MBD5: variants seen among roughly 807,000 people sequenced by gnomAD.
The protein encoded by MBD5 is methyl-CpG binding domain protein 5.
In MBD5, 13 loss-of-function variants were observed where a neutral mutation model predicts 117.3. The ratio of observed to expected loss-of-function variants is 0.11; its 90% CI spans 0.07 to 0.18. The LOEUF is 0.18. Ranked by LOEUF, MBD5 falls within the 10% of genes least tolerant of loss-of-function variation. MBD5 has a pLI of 1.00. For synonymous variants in MBD5, 727 were observed against 766.4 expected (o/e 0.95, Z 0.85); for missense variants, 1,879 against 2,093.8 (o/e 0.90, Z 2.00).
At chr2:148,144,337 C>G (rs1303558210) in intron 1 of MBD5, among the ~76,000 whole-genome samples, 2 of 151,834 alleles carry the variant, frequency 1.3e-5, no homozygotes. Flanking sequence ...TTTGTAGATT[C>G]TGGATATTAG....
chr2:148,080,346 T>C (rs1241781832), intron 1 of MBD5, among the ~76,000 whole-genome samples: 1 of 152,232 alleles, frequency 6.6e-6, no homozygotes, highest in Non-Finnish European at 1.5e-5. Flanking sequence ...CTCCTATAGA[T>C]AGCTAGTTTC....
At chr2:148,178,375 C>T (rs1698437927) in intron 1 of MBD5, among the ~76,000 whole-genome samples, 1 of 152,096 alleles carries the variant, frequency 6.6e-6, no homozygotes, top group Non-Finnish European at 1.5e-5. Flanking sequence ...TCTGTTCATG[C>T]AGGACACCAC....
At chr2:148,260,749 C>T (rs1700712318) in intron 3 of MBD5, 1 of 162,618 alleles carries the variant, frequency 6.1e-6, no homozygotes, top group Non-Finnish European at 1.4e-5. Context: ...AAATCCTTTC[C>T]AGAAGGTTTT....
chr2:148,048,926 C>G (rs1386331183), intron 1 of MBD5, among the ~76,000 whole-genome samples: 1 of 152,140 alleles, frequency 6.6e-6, no homozygotes, highest in Non-Finnish European at 1.5e-5. Flanking sequence ...CTAGTCCACT[C>G]TTCTTACATG....
Position 148,451,465 on chromosome 2 carries a change from A to G in MBD5, c.-556-6738A>G, listed in dbSNP as rs147513761. Among the ~76,000 whole-genome samples, 4 of 152,266 alleles carry G rather than the reference A, an allele frequency of 2.6e-5. No individual in the cohort carries two copies. In the East Asian group the frequency reaches 7.7e-4, roughly 29 times the overall value. Reference sequence around the variant, plus strand: ...AGGTTGAATGAGGGATTGACTAGGTACTGTGAAGGAGCTGTTTGAATAATT... The same window carrying G: ...AGGTTGAATGAGGGATTGACTAGGTGCTGTGAAGGAGCTGTTTGAATAATT... On this transcript the variant is annotated intron_variant, in intron 4 of 13. Transcript: ENST00000642680.
At chr2:148,347,236 A>G (rs1278019333) in intron 4 of MBD5, 1 of 152,016 alleles carries the variant, frequency 6.6e-6, no homozygotes, top group Non-Finnish European at 1.5e-5. Context: ...TTAACTGGGC[A>G]TGGTGATGTG....
intron 3 of MBD5, among the ~76,000 whole-genome samples, chr2:148,288,229 T>G (rs997538044): frequency 9.1e-6 from 1 of 110,320 alleles, no homozygotes; most frequent in Non-Finnish European, 2.0e-5. Flanking sequence ...TGAAACCCCG[T>G]CTCTACTAAA....
intron 4 of MBD5, among the ~76,000 whole-genome samples, chr2:148,345,252 G>A (rs1414906008): frequency 6.8e-6 from 1 of 147,098 alleles, no homozygotes; most frequent in African/African-American, 2.5e-5. Flanking sequence ...ACATACACAT[G>A]CGCATATATA....
intron 1 of MBD5, among the ~76,000 whole-genome samples, chr2:148,167,270 C>A (rs1698148381): frequency 6.6e-6 from 1 of 152,134 alleles, no homozygotes; most frequent in Non-Finnish European, 1.5e-5. Flanking sequence ...TAGTTCCCTT[C>A]AAATTAGCCT....
chr2:148,398,780 T>G (rs1704821113), intron 4 of MBD5, among the ~76,000 whole-genome samples: 1 of 152,222 alleles, frequency 6.6e-6, no homozygotes, highest in Non-Finnish European at 1.5e-5. Flanking sequence ...GATTTTATGG[T>G]TTTAGGTCTA....
In MBD5 at chr2:148,296,863, A is replaced by ATTT. The variant is rs1559010681; in HGVS notation, c.-679-45351_-679-45350insTTT. 6.3e-3 allele frequency among the ~76,000 whole-genome samples: 237 copies of ATTT among 37,586 alleles called. 5 individuals carry two copies. Among genetic ancestry groups the ATTT allele is most frequent in the Non-Finnish European group, 8.6e-3 (162 of 18,888 alleles). The allele number at this position is 37,586 out of a possible 152,430, so 24.7% of individuals were successfully genotyped here. On this transcript the variant is annotated intron_variant, in intron 3 of 13. Transcript: ENST00000642680. The stretch of plus-strand genomic sequence containing the variant: ...TAAGCATAGTTTGCTTTAGTTCTTC[A>ATTT]ATTTTTTTTTTTTTTTTTTTTGGAG...
intron 1 of MBD5, among the ~76,000 whole-genome samples, chr2:148,162,125 G>C (rs751627514): frequency 6.6e-6 from 1 of 152,170 alleles, no homozygotes; most frequent in Non-Finnish European, 1.5e-5. Flanking sequence ...GTGATTGGCA[G>C]GTTTCAGCAT....
intron 3 of MBD5, among the ~76,000 whole-genome samples, chr2:148,281,658 G>T (rs1701249225): frequency 6.6e-6 from 1 of 151,958 alleles, no homozygotes; most frequent in Non-Finnish European, 1.5e-5. Context: ...TCATTTTGCA[G>T]GTTCATCCTG....
chr2:148,165,092 C>T (rs1247590011), intron 1 of MBD5, among the ~76,000 whole-genome samples: 3 of 152,116 alleles, frequency 2.0e-5, no homozygotes, highest in South Asian at 2.1e-4. Context: ...AATAAAACAA[C>T]GATCATTTTT....
intron 3 of MBD5, among the ~76,000 whole-genome samples, chr2:148,336,689 T>C (rs950192858): frequency 6.6e-5 from 10 of 152,334 alleles, no homozygotes; most frequent in Non-Finnish European, 1.3e-4. Context: ...ACCTGGCCTC[T>C]TCTTCCCTTT....
intron 4 of MBD5, among the ~76,000 whole-genome samples, chr2:148,377,035 A>G (rs937359493): frequency 6.6e-6 from 1 of 150,754 alleles, no homozygotes; most frequent in Non-Finnish European, 1.5e-5. Context: ...ATACAGATAT[A>G]TATATATCCT....
At chr2:148,384,809 A>G (rs1164295906) in intron 4 of MBD5, among the ~76,000 whole-genome samples, 3 of 151,966 alleles carry the variant, frequency 2.0e-5, no homozygotes, top group East Asian at 3.9e-4. Context: ...GTAATGCCAC[A>G]TATCTACAAC....
Position 148,516,004 on chromosome 2 carries a change from G to A in MBD5, c.*3063G>A, listed in dbSNP as rs1250860653. On this transcript the variant is annotated 3_prime_UTR_variant, in exon 14 of 14. Transcript: ENST00000642680. ...ACATTCATCCCTTGTGATATCATGG[G>A]CCACTTTTAGTCTTTTATTTGGACC... The A allele has an allele frequency of 1.3e-5, 2 of 152,162 alleles. No individual in the cohort carries two copies. The highest frequency in any genetic ancestry group is 2.1e-4 in the South Asian group (1 of 4,828). 9.4% of individuals were successfully genotyped at this position (152,162 alleles called of 1,614,324 possible). A position where few individuals can be genotyped will look rare whatever the true frequency, so the allele number is the denominator to read the frequency against.
intron 3 of MBD5, among the ~76,000 whole-genome samples, chr2:148,253,938 G>A (rs926490810): frequency 1.3e-5 from 2 of 152,332 alleles, no homozygotes; most frequent in Middle Eastern, 3.4e-3. Flanking sequence ...TGCGCTGGAA[G>A]TCTACCCCAG....
Sources: gnomAD v4.1 joint callset for allele counts (sites outside exome capture counted in the v4.1 genomes callset) on GRCh38, gnomAD v4.1.1 for gene constraint, MANE v1.5 for transcripts, NCBI Gene and HGNC (gene_info 2026-07-23, HGNC 2026-07-21) for gene names.